Variants in SORCS2 observed in about 807,000 individuals in gnomAD.
SORCS2 encodes the protein sortilin related VPS10 domain containing receptor 2, also known as VPS10 domain-containing receptor SorCS2.
SORCS2 carries 100 observed loss-of-function variants against 141.6 expected under a neutral mutation model. The ratio of observed to expected loss-of-function variants is 0.71; its 90% CI spans 0.60 to 0.83. SORCS2 has a LOEUF of 0.83. Among genes scored for constraint, SORCS2 ranks in the 40% least tolerant of loss-of-function variants. The pLI is 0.00. For missense variants in SORCS2, 1,646 were observed against 1,560.2 expected (o/e 1.05, Z -0.93); for synonymous variants, 789 against 676.9 (o/e 1.17, Z -2.57).
intron 5 of SORCS2, among the ~76,000 whole-genome samples, chr4:7,654,481 A>G (rs1447043515): frequency 6.6e-6 from 1 of 152,174 alleles, no homozygotes; most frequent in Non-Finnish European, 1.5e-5. Flanking sequence ...GTTTTTACCC[A>G]TGAACCAGCT....
rs567880187 is a variant in SORCS2, at chr4:7,554,729, C to T, written c.648+23100C>T. On this transcript the variant is annotated intron_variant, in intron 3 of 26. Coordinates refer to ENST00000507866, the MANE Select transcript of SORCS2 (RefSeq NM_020777.3). ...CAGGATTGAGATTTGTAGAGCACAG[C>T]GGGAGCCCCGAGGAAGAACATCCCA... Among the ~76,000 whole-genome samples the T allele has an allele frequency of 7.2e-5, 11 of 152,240 alleles. No individual in the cohort carries two copies. The East Asian group carries it at 7.7e-4, about 11-fold the overall frequency.
intron 8 of SORCS2, among the ~76,000 whole-genome samples, chr4:7,673,796 C>T (rs1180171766): frequency 3.9e-5 from 6 of 152,300 alleles, no homozygotes; most frequent in South Asian, 2.1e-4. Context: ...GGCATCCTGA[C>T]GACATGGTTG....
At chr4:7,723,655 T>G in intron 18 of SORCS2, 42 bp from the exon 19 acceptor site, 7 of 1,605,314 alleles carry the variant, frequency 4.4e-6, no homozygotes, top group Non-Finnish European at 6.0e-6. Context: ...CCCCTCAGCT[T>G]CAAGGCCCAC....
intron 4 of SORCS2, among the ~76,000 whole-genome samples, chr4:7,645,061 A>T (rs2108880488): frequency 6.6e-6 from 1 of 152,350 alleles, no homozygotes; most frequent in South Asian, 2.1e-4. Flanking sequence ...CGCATGAGGC[A>T]GTGATGCCAA....
chr4:7,539,253 G>A (rs560848142), intron 3 of SORCS2, among the ~76,000 whole-genome samples: 1 of 152,320 alleles, frequency 6.6e-6, no homozygotes, highest in African/African-American at 2.4e-5. Flanking sequence ...CACAGATCCT[G>A]GAGCTGTGGA....
intron 2 of SORCS2, among the ~76,000 whole-genome samples, chr4:7,426,431 T>G (rs1331878145): frequency 6.6e-6 from 1 of 152,210 alleles, no homozygotes; most frequent in Non-Finnish European, 1.5e-5. Flanking sequence ...AGAACCATGT[T>G]GCAAAGTGTT....
chr4:7,306,955 G>T (rs1039065320), intron 1 of SORCS2, among the ~76,000 whole-genome samples: 3 of 152,166 alleles, frequency 2.0e-5, no homozygotes, highest in African/African-American at 7.2e-5. Context: ...GACAAAGAAG[G>T]GTCTCCCCTG....
chr4:7,356,787 C>T (rs1721276851), intron 1 of SORCS2, among the ~76,000 whole-genome samples: 1 of 152,206 alleles, frequency 6.6e-6, no homozygotes. Context: ...GGGCACCTGG[C>T]ACCTAGTGAC....
At chr4:7,299,922 A>G (rs1052713944) in intron 1 of SORCS2, among the ~76,000 whole-genome samples, 3 of 152,198 alleles carry the variant, frequency 2.0e-5, no homozygotes, top group Non-Finnish European at 4.4e-5. Flanking sequence ...ACCCTGCTCC[A>G]ACTGCGGCTG....
chr4:7,618,550 G>A (rs1395123874), intron 3 of SORCS2, among the ~76,000 whole-genome samples: 3 of 152,164 alleles, frequency 2.0e-5, no homozygotes, highest in South Asian at 2.1e-4. Context: ...CGTTCTGCTC[G>A]CCCCTTCATG....
intron 1 of SORCS2, among the ~76,000 whole-genome samples, chr4:7,312,707 A>G (rs953656084): frequency 2.0e-5 from 3 of 152,140 alleles, no homozygotes; most frequent in African/African-American, 4.8e-5. Flanking sequence ...TGTGCCAGGT[A>G]CGTTGCAGAG....
At chr4:7,224,585 G>A (rs1210152586) in intron 1 of SORCS2, among the ~76,000 whole-genome samples, 1 of 152,236 alleles carries the variant, frequency 6.6e-6, no homozygotes. Context: ...CAGATCTTAT[G>A]AGAACTCACT....
At chr4:7,526,402 C>T (rs13142422) in intron 2 of SORCS2, among the ~76,000 whole-genome samples, 6 of 152,132 alleles carry the variant, frequency 3.9e-5, no homozygotes, top group Admixed American at 1.3e-4. Context: ...ACTAAGCGAA[C>T]GGAACCAAAT....
At chr4:7,579,460 G>C (rs1715995805) in intron 3 of SORCS2, among the ~76,000 whole-genome samples, 1 of 152,136 alleles carries the variant, frequency 6.6e-6, no homozygotes, top group Admixed American at 6.5e-5. Context: ...CTGAGGCTCA[G>C]AGAACTGATT....
intron 2 of SORCS2, among the ~76,000 whole-genome samples, chr4:7,443,799 G>A (rs1447066426): frequency 6.6e-6 from 1 of 152,214 alleles, no homozygotes; most frequent in Admixed American, 6.5e-5. Flanking sequence ...ATGTGGCCTG[G>A]CCTCCTCGTT....
At chr4:7,309,740 G>T (rs201080338) in intron 1 of SORCS2, among the ~76,000 whole-genome samples, 1 of 152,196 alleles carries the variant, frequency 6.6e-6, no homozygotes, top group East Asian at 1.9e-4. Context: ...CGTGGGCGGG[G>T]ACGAGAGTTG....
chr4:7,595,705 T>C (rs1375364997), intron 3 of SORCS2, among the ~76,000 whole-genome samples: 17 of 152,330 alleles, frequency 1.1e-4, no homozygotes, highest in Admixed American at 1.1e-3. Context: ...GCACAGGGCC[T>C]GGCACTTACT....
chr4:7,481,239 G>A (rs532874446), intron 2 of SORCS2, among the ~76,000 whole-genome samples: 3 of 152,356 alleles, frequency 2.0e-5, no homozygotes, highest in Admixed American at 6.5e-5. Context: ...GAACAGGAGC[G>A]TGCGCTCCTC....
intron 1 of SORCS2, among the ~76,000 whole-genome samples, chr4:7,337,146 G>T (rs1237299127): frequency 6.6e-6 from 1 of 152,190 alleles, no homozygotes; most frequent in Non-Finnish European, 1.5e-5. Context: ...GTTTAGTCTA[G>T]AATTGCAGAA....
Sources: gnomAD v4.1 joint callset for allele counts (sites outside exome capture counted in the v4.1 genomes callset) on GRCh38, gnomAD v4.1.1 for gene constraint, MANE v1.5 for transcripts, NCBI Gene and HGNC (gene_info 2026-07-23, HGNC 2026-07-21) for gene names.